The following ASAP2 variants were observed in gnomAD, a reference collection of about 807,000 sequenced individuals.
ASAP2 encodes the protein arf-GAP with SH3 domain, ANK repeat and PH domain-containing protein 2.
Under a neutral mutation model 131.4 loss-of-function variants are expected in ASAP2, and 45 were observed. That is an observed-to-expected ratio of 0.34 (90% CI 0.27 to 0.44). The LOEUF (loss-of-function observed/expected upper bound fraction) is 0.44. Among genes scored for constraint, ASAP2 ranks in the 20% least tolerant of loss-of-function variants. ASAP2 has a pLI of 1.00. For missense variants in ASAP2, 1,011 were observed against 1,297.0 expected (o/e 0.78, Z 3.39); for synonymous variants, 510 against 503.0 (o/e 1.01, Z -0.19).
At chr2:9,258,259 A>T (rs905160387) in intron 1 of ASAP2, among the ~76,000 whole-genome samples, 2 of 149,996 alleles carry the variant, frequency 1.3e-5, no homozygotes, top group African/African-American at 2.5e-5. Flanking sequence ...AAAAAAAAAA[A>T]TTTCTATGAT....
chr2:9,317,962 G>A (rs975880131), intron 3 of ASAP2, among the ~76,000 whole-genome samples: 1 of 151,744 alleles, frequency 6.6e-6, no homozygotes, highest in Non-Finnish European at 1.5e-5. Flanking sequence ...TCACTCAGTC[G>A]TACACACTCA....
intron 21 of ASAP2, among the ~76,000 whole-genome samples, chr2:9,387,988 C>T (rs569113312): frequency 4.6e-5 from 7 of 152,290 alleles, no homozygotes; most frequent in South Asian, 2.1e-4. Context: ...AGAGGGGAAC[C>T]GCTGCCATGA....
chr2:9,245,438 A>G (rs1038107145), intron 1 of ASAP2, among the ~76,000 whole-genome samples: 22 of 152,204 alleles, frequency 1.4e-4, no homozygotes, highest in African/African-American at 5.1e-4. Context: ...GGAGGGTTCT[A>G]TAAAAACAAA....
At chr2:9,305,491 G>T (rs78733073) in intron 3 of ASAP2, among the ~76,000 whole-genome samples, 12 of 102,694 alleles carry the variant, frequency 1.2e-4, no homozygotes, top group African/African-American at 1.5e-4. Context: ...AGATATTGGT[G>T]GAGAGGCTGT....
chr2:9,381,237 G>A (rs900274365), intron 20 of ASAP2, among the ~76,000 whole-genome samples: 4 of 152,222 alleles, frequency 2.6e-5, no homozygotes, highest in Admixed American at 1.3e-4. Flanking sequence ...TCCTGTTCTG[G>A]AAGAAAAGAC....
At chr2:9,286,445 A>ATATATATATATATATATATATAT (rs199918521) in intron 2 of ASAP2, among the ~76,000 whole-genome samples, 4 of 98,630 alleles carry the variant, frequency 4.1e-5, no homozygotes, top group African/African-American at 1.4e-4. Flanking sequence ...AGGAAAAAAA[A>ATATATATATATATATATATATAT]AAATATATAT....
At chr2:9,394,015 G>A (rs1675925687) in intron 24 of ASAP2, among the ~76,000 whole-genome samples, 1 of 152,080 alleles carries the variant, frequency 6.6e-6, no homozygotes, top group African/African-American at 2.4e-5. Flanking sequence ...CACAAACAAG[G>A]ACATTGTCCT....
chr2:9,273,750 G>GCTCAT (rs1666569441), intron 1 of ASAP2, among the ~76,000 whole-genome samples: 9 of 152,186 alleles, frequency 5.9e-5, no homozygotes, highest in Non-Finnish European at 1.2e-4. Context: ...TATTGATCTG[G>GCTCAT]GTGGTGTCAG....
Position 9,389,585 on chromosome 2 carries a change from G to A in ASAP2, c.2383+1039G>A, listed in dbSNP as rs562377813. ...TGCTGCTGGGCCCATCTTCCCTGCC[G>A]TCCTGGGTGTCTCACAGACCCTCAC... On this transcript the variant is annotated intron_variant, in intron 22 of 27. Transcript: ENST00000281419. This position sits in a 1 kb window ranked among gnomAD's most constrained non-coding sequence, Gnocchi z 4.7. Among the ~76,000 whole-genome samples the A allele has an allele frequency of 3.7e-4, 56 of 152,268 alleles. No homozygotes were observed. Among genetic ancestry groups the A allele is most frequent in the African/African-American group, 4.8e-4 (20 of 41,544 alleles).
At position 9,374,938 on chromosome 2, in the gene ASAP2, C is replaced by T. The variant is rs142591836; in HGVS notation, c.1740C>T (p.Asn580=). 5.0e-6 allele frequency: 8 copies of T among 1,594,648 alleles called. No individual in the cohort carries two copies. The highest frequency in any genetic ancestry group is 3.4e-5 in the South Asian group (3 of 88,706). The part of the protein sequence containing the change: ...VDLTEKIPLA[N]GHEPDETALH... ...TTACGGAAAAAATCCCACTGGCCAA[C>T]GGACATGTAAGAGTGTGGGTTGTTG... Residue 580 remains asparagine, a synonymous_variant, in exon 17 of 28, where the codon AAC becomes AAT. Transcript: ENST00000281419.
chr2:9,286,343 A>T (rs1197451281), intron 2 of ASAP2, among the ~76,000 whole-genome samples: 1 of 152,080 alleles, frequency 6.6e-6, no homozygotes, highest in East Asian at 1.9e-4. Context: ...GGCTGCAGTG[A>T]GCTGAAACTG....
At chr2:9,364,548 T>G (rs186810901) in intron 15 of ASAP2, among the ~76,000 whole-genome samples, 1 of 152,302 alleles carries the variant, frequency 6.6e-6, no homozygotes, top group Non-Finnish European at 1.5e-5. Context: ...TCAAGAGCAT[T>G]ACCAAATATT....
intron 3 of ASAP2, among the ~76,000 whole-genome samples, chr2:9,304,474 C>G (rs1188220332): frequency 2.3e-4 from 4 of 17,060 alleles, no homozygotes; most frequent in South Asian, 1.4e-3. Context: ...TGTAGATATG[C>G]GGTGGAGGGG....
chr2:9,226,111 C>T lies in ASAP2; in HGVS notation c.126+18881C>T, dbSNP rs969200606. 4.6e-5 allele frequency among the ~76,000 whole-genome samples: 7 copies of T among 152,162 alleles called. No homozygotes were observed. The East Asian group carries it at 7.7e-4, about 17-fold the overall frequency. ...TGCGAGCTAGTCTCACCCTGGGGCA[C>T]GTAAGAGGGGCTCAGAAGGTCAGTT... is the stretch of plus-strand genomic sequence containing the variant. On this transcript the variant is annotated intron_variant, in intron 1 of 27. Transcript: ENST00000281419.
chr2:9,207,326 C>A lies in ASAP2; in HGVS notation c.126+96C>A. The A allele has an allele frequency of 7.1e-7, 1 of 1,409,210 alleles. No individual in the cohort carries two copies. Among genetic ancestry groups the A allele is most frequent in the South Asian group, 1.4e-5 (1 of 70,992 alleles). 87.3% of individuals were successfully genotyped at this position (1,409,210 alleles called of 1,614,324 possible). A position where few individuals can be genotyped will look rare whatever the true frequency, so the allele number is the denominator to read the frequency against. On this transcript the variant is annotated intron_variant, in intron 1 of 27. Coordinates refer to ENST00000281419, the MANE Select transcript of ASAP2 (RefSeq NM_003887.3). The surrounding 1 kb of genome is among the most constrained non-coding windows in gnomAD (Gnocchi z 4.1). The stretch of plus-strand genomic sequence containing the variant: ...CCGCATCCCGAGAAAACTTTCTTTG[C>A]TCCGAAGCCGGACGCGGCCGGGCCA...
intron 15 of ASAP2, among the ~76,000 whole-genome samples, chr2:9,360,963 A>T (rs1323610860): frequency 1.3e-5 from 2 of 152,200 alleles, no homozygotes; most frequent in Non-Finnish European, 2.9e-5. Context: ...CATGTTCTTC[A>T]TGAGACTGAG....
chr2:9,241,761 T>C (rs927912515), intron 1 of ASAP2, among the ~76,000 whole-genome samples: 1 of 152,206 alleles, frequency 6.6e-6, no homozygotes, highest in Non-Finnish European at 1.5e-5. Context: ...AGTGAGTATA[T>C]GCCAGACACT....
At chr2:9,339,431 C>T (rs990417810) in intron 9 of ASAP2, among the ~76,000 whole-genome samples, 2 of 152,106 alleles carry the variant, frequency 1.3e-5, no homozygotes, top group African/African-American at 4.8e-5. Flanking sequence ...TACAGCCAAC[C>T]TCAGAGTTTT....
chr2:9,306,494 C>G (rs920030433), intron 3 of ASAP2, among the ~76,000 whole-genome samples: 1 of 151,680 alleles, frequency 6.6e-6, no homozygotes, highest in African/African-American at 2.4e-5. Flanking sequence ...GGGTTGATAA[C>G]GGAAGAGGAA....
Sources: gnomAD v4.1 joint callset for allele counts (sites outside exome capture counted in the v4.1 genomes callset) on GRCh38, gnomAD v4.1.1 for gene constraint, Gnocchi (gnomAD v3.1) non-coding constraint, MANE v1.5 for transcripts, NCBI Gene and HGNC (gene_info 2026-07-23, HGNC 2026-07-21) for gene names.